OR2M2: variants seen among roughly 807,000 people sequenced by gnomAD.
The protein encoded by OR2M2 is olfactory receptor family 2 subfamily M member 2, also known as olfactory receptor 2M2.
For synonymous variants in OR2M2, 168 were observed against 151.7 expected, an observed-to-expected ratio of 1.11 and a Z score of -0.79; for missense variants, 467 against 429.9, an observed-to-expected ratio of 1.09 and a Z score of -0.76.
intron 1 of OR2M2, among the ~76,000 whole-genome samples, chr1:248,176,659 CTTTG>C (rs1480718072): frequency 4.6e-5 from 7 of 152,020 alleles, no homozygotes; most frequent in African/African-American, 1.2e-4. Flanking sequence ...TCAGAATGTT[CTTTG>C]TTTGGCAATG....
At chr1:248,178,731 A>G (rs1036132956) in intron 1 of OR2M2, among the ~76,000 whole-genome samples, 26 of 152,218 alleles carry the variant, frequency 1.7e-4, no homozygotes, top group Admixed American at 1.7e-3. Context: ...TTATCCTTTT[A>G]TGATATAAAG....
intron 1 of OR2M2, among the ~76,000 whole-genome samples, chr1:248,179,663 T>G (rs557515548): frequency 1.3e-5 from 2 of 152,320 alleles, no homozygotes; most frequent in African/African-American, 4.8e-5. Context: ...AGGAACTATC[T>G]GTTTGCTTTG....
intron 1 of OR2M2, among the ~76,000 whole-genome samples, chr1:248,175,174 A>C (rs1665845495): frequency 6.6e-6 from 1 of 152,144 alleles, no homozygotes; most frequent in South Asian, 2.1e-4. Context: ...CAGAAGAGAA[A>C]AGAGCAGATG....
chr1:248,180,092 T>C lies in OR2M2; in HGVS notation c.107T>C (p.Leu36Ser), dbSNP rs781114023. The change falls in exon 2 of 2, where the codon TTA becomes TCA. Residue 36 changes from leucine (L) to serine (S), a missense_variant. Transcript: ENST00000641836. ...FLFFLVLGIF[L>S]VAFMGNSVMV... ...TTCTTTCTGGTCCTGGGCATCTTTT[T>C]AGTGGCCTTCATGGGAAACTCTGTC... is the stretch of plus-strand genomic sequence containing the variant. The C allele has an allele frequency of 5.5e-5, 89 of 1,613,962 alleles. No individual in the cohort carries two copies. Among genetic ancestry groups the C allele is most frequent in the Middle Eastern group, 1.6e-4 (1 of 6,084 alleles).
intron 1 of OR2M2, among the ~76,000 whole-genome samples, chr1:248,177,102 G>A (rs1275569999): frequency 6.6e-6 from 1 of 152,058 alleles, no homozygotes; most frequent in Non-Finnish European, 1.5e-5. Context: ...AACTGGATAT[G>A]AAGGGAAATT....
intron 1 of OR2M2, among the ~76,000 whole-genome samples, chr1:248,175,825 T>C (rs1249597911): frequency 6.6e-6 from 1 of 152,134 alleles, no homozygotes; most frequent in Admixed American, 6.5e-5. Flanking sequence ...CCAGTATTGC[T>C]GTGCTTTATA....
chr1:248,180,839 T>C lies in OR2M2; in HGVS notation c.854T>C (p.Leu285Pro). 6.2e-7 allele frequency: 1 copy of C among 1,614,078 alleles called. No homozygotes were observed. ...TTCTACACCATCCTCACTCCCATGC[T>C]GAATCCCCTCATCTACAGCCTCCGC... is the stretch of plus-strand genomic sequence containing the variant. The part of the protein sequence containing the change: ...SVFYTILTPM[L>P]NPLIYSLRNK... Residue 285 changes from leucine (L) to proline (P), a missense_variant, in exon 2 of 2, where the codon CTG (leucine) becomes CCG (proline). Coordinates refer to ENST00000641836, the MANE Select transcript of OR2M2 (RefSeq NM_001004688.2).
chr1:248,180,314 C>A lies in OR2M2; in HGVS notation c.329C>A (p.Ser110Tyr). 1 of 1,614,130 alleles carries A rather than the reference C, an allele frequency of 6.2e-7. No homozygotes were observed. The highest frequency in any genetic ancestry group is 8.5e-7 in the Non-Finnish European group (1 of 1,180,014). The change falls in exon 2 of 2, where the codon TCT (serine) becomes TAT (tyrosine). Residue 110 changes from serine (S) to tyrosine (Y), a missense_variant. Ser to Tyr is a moderately radical substitution (Grantham distance 144). Transcript: ENST00000641836. ...QIFFYISLSG[S>Y]ECFLLAVMAY... Reference sequence around the variant, plus strand: ...TTCTTCTATATATCACTGTCTGGCTCTGAATGTTTTCTTTTGGCTGTTATG... The same window carrying A: ...TTCTTCTATATATCACTGTCTGGCTATGAATGTTTTCTTTTGGCTGTTATG...
chr1:248,180,002 A>G lies in OR2M2; in HGVS notation c.17A>G (p.Gln6Arg). The G allele has an allele frequency of 6.2e-7, 1 of 1,612,688 alleles. No homozygotes were observed. Among genetic ancestry groups the G allele is most frequent in the Non-Finnish European group, 8.5e-7 (1 of 1,179,218 alleles). ...ACATTCATCATGGCATGGGAGAATC[A>G]GACCTTCAACTCCGACTTCATCCTC... is the stretch of plus-strand genomic sequence containing the variant. Reference protein sequence around the residue: MAWENQTFNSDFILLG... With the variant: MAWENRTFNSDFILLG... Residue 6 changes from glutamine to arginine, a missense_variant, in exon 2 of 2, where the codon CAG becomes CGG. Gln to Arg is a conservative substitution (Grantham distance 43). Transcript: ENST00000641836.
Position 248,180,384 on chromosome 1 carries a change from C to T in OR2M2, c.399C>T (p.Thr133=). Residue 133 remains threonine (T), a synonymous_variant, in exon 2 of 2, where the codon ACC becomes ACT. Transcript: ENST00000641836. ...YIAICHPLRY[T]NLMNPKICGL... Reference sequence around the variant, plus strand: ...CTATTTGCCACCCTCTAAGATATACCAATCTCATGAATCCTAAAATTTGTG... The same window carrying T: ...CTATTTGCCACCCTCTAAGATATACTAATCTCATGAATCCTAAAATTTGTG... 6.2e-7 allele frequency: 1 copy of T among 1,614,048 alleles called. No individual in the cohort carries two copies. The highest frequency in any genetic ancestry group is 8.5e-7 in the Non-Finnish European group (1 of 1,180,014).
In OR2M2 at chr1:248,180,622, A is replaced by G. The variant is rs1402720555; in HGVS notation, c.637A>G (p.Ile213Val). The change falls in exon 2 of 2, where the codon ATC becomes GTC. Residue 213 changes from isoleucine to valine, a missense_variant. Ile to Val is a conservative substitution (Grantham distance 29). Coordinates refer to ENST00000641836, the MANE Select transcript of OR2M2 (RefSeq NM_001004688.2). Reference sequence around the variant, plus strand: ...AGTAATGCTTGTTTTCCCTGTTGCAATCATCATTGCTTCCTATGCTCGAGT... The same window carrying G: ...AGTAATGCTTGTTTTCCCTGTTGCAGTCATCATTGCTTCCTATGCTCGAGT... ...CIVMLVFPVA[I>V]IIASYARVIL... 2.5e-6 allele frequency: 4 copies of G among 1,612,590 alleles called. No individual in the cohort carries two copies. The highest frequency in any genetic ancestry group is 2.2e-5 in the South Asian group (2 of 91,014).
Position 248,180,494 on chromosome 1 carries a change from G to A in OR2M2, c.509G>A (p.Gly170Glu). The A allele has an allele frequency of 6.2e-7, 1 of 1,613,716 alleles. No homozygotes were observed. The highest frequency in any genetic ancestry group is 2.2e-5 in the East Asian group (1 of 44,884). The change falls in exon 2 of 2, where the codon GGG (glycine) becomes GAG (glutamate). Residue 170 changes from glycine (G) to glutamate (E), a missense_variant. Transcript: ENST00000641836. ...AVATFSFSFCGSREIAHFFCE... is the reference protein window; with the variant it reads ...AVATFSFSFCESREIAHFFCE... ...GCCACATTTTCCTTCTCCTTTTGTGGGTCTCGGGAAATAGCCCACTTCTTC... is the reference window on the plus strand; with the variant it reads ...GCCACATTTTCCTTCTCCTTTTGTGAGTCTCGGGAAATAGCCCACTTCTTC...
At chr1:248,177,208 T>A (rs2103006074) in intron 1 of OR2M2, among the ~76,000 whole-genome samples, 1 of 152,154 alleles carries the variant, frequency 6.6e-6, no homozygotes, top group African/African-American at 2.4e-5. Flanking sequence ...ATTCAGAGGG[T>A]TATGTAGATT....
At chr1:248,179,723 T>C (rs1665902382) in intron 1 of OR2M2, among the ~76,000 whole-genome samples, 1 of 152,224 alleles carries the variant, frequency 6.6e-6, no homozygotes, top group African/African-American at 2.4e-5. Context: ...TAGATATTTT[T>C]ATTCTAATTT....
chr1:248,180,994 G>A lies in OR2M2; in HGVS notation c.1009G>A (p.Val337Ile), dbSNP rs1665928305. Residue 337 changes from valine to isoleucine, a missense_variant, in exon 2 of 2, where the codon GTC (valine) becomes ATC (isoleucine). Coordinates refer to ENST00000641836, the MANE Select transcript of OR2M2 (RefSeq NM_001004688.2). The stretch of plus-strand genomic sequence containing the variant: ...TCTAATATCCATCTTTTTCTATGAT[G>A]TCAAAATACTAGCATTGATTATGTA... ...FFLISIFFYDVKILALIMYIA is the reference protein window; with the variant it reads ...FFLISIFFYDIKILALIMYIA The A allele has an allele frequency of 6.2e-7, 1 of 1,611,924 alleles. No individual in the cohort carries two copies. Among genetic ancestry groups the A allele is most frequent in the Non-Finnish European group, 8.5e-7 (1 of 1,178,444 alleles).
intron 1 of OR2M2, among the ~76,000 whole-genome samples, chr1:248,176,091 A>T (rs1320847705): frequency 6.6e-6 from 1 of 152,120 alleles, no homozygotes; most frequent in East Asian, 1.9e-4. Context: ...AAAAGGGTAA[A>T]GTCATTTTAG....
chr1:248,178,770 C>T (rs1231722543), intron 1 of OR2M2, among the ~76,000 whole-genome samples: 2 of 152,188 alleles, frequency 1.3e-5, no homozygotes, highest in Admixed American at 6.5e-5. Context: ...TGATCGCACT[C>T]ACTATGACCT....
intron 1 of OR2M2, among the ~76,000 whole-genome samples, chr1:248,178,291 A>G (rs184881653): frequency 6.6e-6 from 1 of 152,266 alleles, no homozygotes; most frequent in Non-Finnish European, 1.5e-5. Flanking sequence ...AATAAATTAA[A>G]AAAGCACATT....
rs749607163 is a variant in OR2M2 at position 248,180,620 on chromosome 1, C to G, written c.635C>G (p.Ala212Gly). ...ATAGTAATGCTTGTTTTCCCTGTTGCAATCATCATTGCTTCCTATGCTCGA... is the reference window on the plus strand; with the variant it reads ...ATAGTAATGCTTGTTTTCCCTGTTGGAATCATCATTGCTTCCTATGCTCGA... Reference protein sequence around the residue: ...CCIVMLVFPVAIIIASYARVI... With the variant: ...CCIVMLVFPVGIIIASYARVI... Residue 212 changes from alanine (A) to glycine (G), a missense_variant, in exon 2 of 2, where the codon GCA becomes GGA. Transcript: ENST00000641836. 6.2e-7 allele frequency: 1 copy of G among 1,612,724 alleles called. No homozygotes were observed. Among genetic ancestry groups the G allele is most frequent in the Non-Finnish European group, 8.5e-7 (1 of 1,179,850 alleles).
Sources: gnomAD v4.1 joint callset for allele counts (sites outside exome capture counted in the v4.1 genomes callset) on GRCh38, gnomAD v4.1.1 for gene constraint, MANE v1.5 for transcripts, NCBI Gene and HGNC (gene_info 2026-07-23, HGNC 2026-07-21) for gene names.